Variants in ADGRL2 observed in about 807,000 individuals in gnomAD.
ADGRL2 encodes the protein adhesion G protein-coupled receptor L2.
A neutral mutation model predicts 157.4 loss-of-function variants in ADGRL2; 44 were observed. That is an observed-to-expected ratio of 0.28 (90% CI 0.22 to 0.36). The LOEUF is 0.36. Ranked by LOEUF, ADGRL2 falls within the 10% of genes least tolerant of loss-of-function variation. The probability of loss-of-function intolerance (pLI) is 1.00; values close to 1 mark genes in which losing one functional copy is unlikely to be tolerated. For missense variants in ADGRL2, 1,510 were observed against 1,768.9 expected (o/e 0.85, Z 2.63); for synonymous variants, 585 against 624.7 (o/e 0.94, Z 0.95).
intron 2 of ADGRL2, among the ~76,000 whole-genome samples, chr1:81,842,823 G>A (rs188461494): frequency 2.6e-5 from 4 of 152,188 alleles, no homozygotes; most frequent in East Asian, 3.9e-4. Context: ...TTCTTTTCTT[G>A]TTGAGAATAA....
chr1:81,355,803 T>C (rs1256607911), intron 1 of ADGRL2, among the ~76,000 whole-genome samples: 5 of 152,168 alleles, frequency 3.3e-5, no homozygotes, highest in Non-Finnish European at 5.9e-5. Flanking sequence ...AGGAGAATGG[T>C]GACCTACTCG....
rs368764970 is a variant in ADGRL2, at chr1:81,662,252, CT to C, written c.-143+81290del. On this transcript the variant is annotated intron_variant, in intron 3 of 24. Coordinates refer to the ADGRL2 transcript ENST00000370721. ...TATCAAATAGTAGGTCTCATTCATTCTTTTTTTTTTTTTTTTTTCTTGAGAC... is the reference window on the plus strand; with the variant it reads ...TATCAAATAGTAGGTCTCATTCATTCTTTTTTTTTTTTTTTTTCTTGAGAC... 8.6e-3 allele frequency among the ~76,000 whole-genome samples: 1,098 copies of C among 127,440 alleles called. 6 individuals carry two copies. The highest frequency in any genetic ancestry group is 0.023 in the African/African-American group (760 of 33,526). 83.6% of individuals were successfully genotyped at this position (127,440 alleles called of 152,430 possible).
chr1:81,588,751 T>C (rs528422536), intron 3 of ADGRL2, among the ~76,000 whole-genome samples: 9 of 152,188 alleles, frequency 5.9e-5, no homozygotes, highest in Non-Finnish European at 1.2e-4. Context: ...ACAAACACAT[T>C]GCTCCCTGTC....
At chr1:81,488,755 G>A (rs1029138900) in intron 2 of ADGRL2, among the ~76,000 whole-genome samples, 7 of 151,420 alleles carry the variant, frequency 4.6e-5, no homozygotes, top group South Asian at 2.1e-4. Context: ...ACCATGAGTC[G>A]TACAAAGAAG....
intron 2 of ADGRL2, among the ~76,000 whole-genome samples, chr1:81,573,620 A>G (rs1228662126): frequency 6.6e-6 from 1 of 152,178 alleles, no homozygotes; most frequent in East Asian, 1.9e-4. Flanking sequence ...GTTGGCACAG[A>G]CTGACCTCTG....
chr1:81,607,964 A>G (rs1398723595), intron 3 of ADGRL2, among the ~76,000 whole-genome samples: 5 of 152,236 alleles, frequency 3.3e-5, no homozygotes, highest in Non-Finnish European at 1.5e-5. Context: ...AAGGCCATAA[A>G]CTCATGAACC....
intron 2 of ADGRL2, among the ~76,000 whole-genome samples, chr1:81,509,099 T>G (rs542711748): frequency 1.3e-5 from 2 of 152,218 alleles, no homozygotes; most frequent in African/African-American, 4.8e-5. Context: ...ACATTCCTTG[T>G]GCATCAATTC....
intron 1 of ADGRL2, among the ~76,000 whole-genome samples, chr1:81,392,121 C>T (rs377630304): frequency 1.3e-5 from 2 of 151,790 alleles, no homozygotes; most frequent in Non-Finnish European, 2.9e-5. Flanking sequence ...GTACTGCCTC[C>T]ACAGGTAAAG....
At chr1:81,765,364 A>G (rs2086079040) in intron 2 of ADGRL2, among the ~76,000 whole-genome samples, 1 of 152,066 alleles carries the variant, frequency 6.6e-6, no homozygotes, top group Non-Finnish European at 1.5e-5. Flanking sequence ...CCTCTTGTCT[A>G]TAACCAAAAT....
intron 2 of ADGRL2, among the ~76,000 whole-genome samples, chr1:81,880,505 T>C (rs1185505380): frequency 6.6e-6 from 1 of 152,084 alleles, no homozygotes; most frequent in Non-Finnish European, 1.5e-5. Flanking sequence ...GAGTGAGTGG[T>C]GTAGATTTTA....
chr1:81,841,156 A>C (rs1409836755), intron 2 of ADGRL2, among the ~76,000 whole-genome samples: 1 of 152,182 alleles, frequency 6.6e-6, no homozygotes, highest in East Asian at 1.9e-4. Flanking sequence ...TTTATTAGTC[A>C]AAATTTTACT....
chr1:81,980,905 T>G, intron 18 of ADGRL2: 1 of 611,928 alleles, frequency 1.6e-6, no homozygotes, highest in Non-Finnish European at 3.1e-6. Context: ...TTCGTCAGTA[T>G]CATGAATTGC....
chr1:81,346,426 A>G (rs1662485241), intron 1 of ADGRL2, among the ~76,000 whole-genome samples: 1 of 152,114 alleles, frequency 6.6e-6, no homozygotes, highest in South Asian at 2.1e-4. Context: ...CCCAAATTTG[A>G]TCATGTCAGC....
chr1:81,394,879 T>A lies in ADGRL2; in HGVS notation c.-301-50157T>A, dbSNP rs553399837. Among the ~76,000 whole-genome samples, 200 of 143,292 alleles carry A rather than the reference T, an allele frequency of 1.4e-3. 2 individuals carry two copies. The highest frequency in any genetic ancestry group is 1.3e-3 in the Non-Finnish European group (86 of 65,004). 94.0% of individuals were successfully genotyped at this position (143,292 alleles called of 152,430 possible). On this transcript the variant is annotated intron_variant, in intron 1 of 24. Coordinates refer to the ADGRL2 transcript ENST00000370721. ...GCATTTGTTATATTTTGTCTCTCTT[T>A]TTTATTTATTTATTTATTTATTTAT...
At chr1:81,314,775 G>T (rs1570594405) in intron 1 of ADGRL2, among the ~76,000 whole-genome samples, 1 of 152,202 alleles carries the variant, frequency 6.6e-6, no homozygotes, top group East Asian at 1.9e-4. Context: ...AGCAGAAAAT[G>T]AATAGAAATG....
chr1:81,990,672 G>T lies in ADGRL2; in HGVS notation c.3937G>T (p.Ala1313Ser). ...GSSSEDDAIV[A>S]DASSLMHSDN... ...CAGCAGTGAAGATGATGCTATTGTGGCAGATGCTTCATCTTTAATGCACAG... is the reference window on the plus strand; with the variant it reads ...CAGCAGTGAAGATGATGCTATTGTGTCAGATGCTTCATCTTTAATGCACAG... Residue 1313 changes from alanine to serine, a missense_variant, in exon 24 of 24, where the codon GCA becomes TCA. This residue lies in a region of ADGRL2 where 327 missense variants were observed against 310.1 expected (regional missense o/e 1.05). Coordinates refer to ENST00000686636, the MANE Select transcript of ADGRL2 (RefSeq NM_001366006.2). 2.5e-6 allele frequency: 4 copies of T among 1,614,152 alleles called. No homozygotes were observed. The highest frequency in any genetic ancestry group is 3.4e-6 in the Non-Finnish European group (4 of 1,180,030).
intron 1 of ADGRL2, among the ~76,000 whole-genome samples, chr1:81,368,069 T>G (rs1570743808): frequency 6.6e-6 from 1 of 152,342 alleles, no homozygotes; most frequent in South Asian, 2.1e-4. Flanking sequence ...GATAAAATGG[T>G]ATTTCTGCTT....
intron 3 of ADGRL2, among the ~76,000 whole-genome samples, chr1:81,590,592 T>C (rs1049567427): frequency 5.3e-5 from 8 of 152,128 alleles, no homozygotes; most frequent in Admixed American, 5.2e-4. Flanking sequence ...TTCTCCACAA[T>C]GTTGGAATCT....
At chr1:81,983,324 G>A (rs1662191647) in intron 19 of ADGRL2, among the ~76,000 whole-genome samples, 1 of 151,940 alleles carries the variant, frequency 6.6e-6, no homozygotes, top group African/African-American at 2.4e-5. Context: ...GATATAAAAT[G>A]GTTAAGTTAA....
Sources: allele counts gnomAD v4.1 joint callset (sites outside exome capture counted in the v4.1 genomes callset), GRCh38; gene constraint gnomAD v4.1.1; regional missense constraint gnomAD v4.1.1; transcripts MANE v1.5; gene names NCBI Gene and HGNC (gene_info 2026-07-23, HGNC 2026-07-21).